The following ADARB2 variants were observed in gnomAD, a reference collection of about 807,000 sequenced individuals.
ADARB2 encodes the protein inactive double-stranded RNA-specific editase B2.
A neutral mutation model predicts 62.2 loss-of-function variants in ADARB2; 25 were observed. The observed-to-expected ratio is 0.40, with a 90% CI of 0.29 to 0.56. The LOEUF is 0.56. ADARB2 is among the 20% of genes least tolerant of loss of function. The pLI is 0.43. For missense variants in ADARB2, 1,071 were observed against 1,077.4 expected (o/e 0.99, Z 0.08); for synonymous variants, 572 against 500.8 (o/e 1.14, Z -1.90).
At chr10:1,524,348 A>T (rs1383499733) in intron 1 of ADARB2, among the ~76,000 whole-genome samples, 1 of 152,200 alleles carries the variant, frequency 6.6e-6, no homozygotes, top group Non-Finnish European at 1.5e-5. Flanking sequence ...AACGTGTCCA[A>T]TACTCAGTAG....
Position 1,360,136 on chromosome 10 carries a change from T to C in ADARB2, c.1077+2892A>G, listed in dbSNP as rs1003856983. On this transcript the variant is annotated intron_variant, in intron 3 of 9. Coordinates refer to ENST00000381312, the MANE Select transcript of ADARB2 (RefSeq NM_018702.4). ...CCTGCGTGGGGTGAGCCTGGGACTG[T>C]GGGCAGAGAACCTCAAGCACCGGGC... Among the ~76,000 whole-genome samples the C allele has an allele frequency of 2.0e-5, 3 of 152,060 alleles. No individual in the cohort carries two copies. The South Asian group carries it at 6.2e-4, about 31-fold the overall frequency.
chr10:1,596,643 G>A (rs1833339754), intron 1 of ADARB2, among the ~76,000 whole-genome samples: 1 of 152,190 alleles, frequency 6.6e-6, no homozygotes, highest in Non-Finnish European at 1.5e-5. Context: ...CGCTGGCTGA[G>A]TGGCTGAGAC....
intron 2 of ADARB2, among the ~76,000 whole-genome samples, chr10:1,372,900 C>A (rs531014694): frequency 6.6e-6 from 1 of 152,096 alleles, no homozygotes; most frequent in African/African-American, 2.4e-5. Flanking sequence ...GTTAGCTGCA[C>A]GTCAGGATTC....
At chr10:1,688,882 A>G (rs1834633176) in intron 1 of ADARB2, among the ~76,000 whole-genome samples, 1 of 152,212 alleles carries the variant, frequency 6.6e-6, no homozygotes, top group Non-Finnish European at 1.5e-5. Context: ...CAAACATTTT[A>G]ACGTAAAAAA....
At chr10:1,673,648 C>A (rs562287630) in intron 1 of ADARB2, among the ~76,000 whole-genome samples, 2 of 152,182 alleles carry the variant, frequency 1.3e-5, no homozygotes, top group Non-Finnish European at 2.9e-5. Context: ...CTGAGCACTA[C>A]GGGAACGTCG....
chr10:1,285,344 CGAT>C (rs1367377141), intron 3 of ADARB2, among the ~76,000 whole-genome samples: 4 of 143,502 alleles, frequency 2.8e-5, no homozygotes, highest in African/African-American at 7.6e-5. Flanking sequence ...CTCGCAGGGA[CGAT>C]GGTGGTAGGT....
At chr10:1,651,081 C>G (rs1215718915) in intron 1 of ADARB2, among the ~76,000 whole-genome samples, 1 of 152,228 alleles carries the variant, frequency 6.6e-6, no homozygotes, top group Non-Finnish European at 1.5e-5. Flanking sequence ...GACAGACGGC[C>G]CGGCTTCTGT....
rs989334408 is a variant in ADARB2 at position 1,414,714 on chromosome 10, C to T, written c.101-35554G>A. Among the ~76,000 whole-genome samples the T allele has an allele frequency of 2.0e-5, 3 of 152,324 alleles. No homozygotes were observed. In the South Asian group the frequency reaches 6.2e-4, roughly 32 times the overall value. On this transcript the variant is annotated intron_variant, in intron 1 of 9. Transcript: ENST00000381312. ...CTCCATGATCACGATGGCCCCTGGT[C>T]CCACCTTTACTTCTCAAACTGTCTT...
chr10:1,565,868 C>A (rs1832853162), intron 1 of ADARB2, among the ~76,000 whole-genome samples: 1 of 152,192 alleles, frequency 6.6e-6, no homozygotes, highest in Non-Finnish European at 1.5e-5. Flanking sequence ...CCGTGGTGGG[C>A]AGCATTGCCT....
intron 1 of ADARB2, among the ~76,000 whole-genome samples, chr10:1,550,672 G>A (rs1832607164): frequency 6.6e-6 from 1 of 152,172 alleles, no homozygotes; most frequent in Non-Finnish European, 1.5e-5. Flanking sequence ...TGGAGTGAAA[G>A]GAACTGATTT....
chr10:1,265,378 A>C (rs1564240374), intron 4 of ADARB2, among the ~76,000 whole-genome samples: 1 of 152,242 alleles, frequency 6.6e-6, no homozygotes, highest in Non-Finnish European at 1.5e-5. Flanking sequence ...CGGTGCCCTG[A>C]CAGTTTGGCT....
intron 8 of ADARB2, among the ~76,000 whole-genome samples, chr10:1,188,913 G>A (rs144247904): frequency 6.6e-6 from 1 of 152,376 alleles, no homozygotes; most frequent in African/African-American, 2.4e-5. Context: ...GGAACCAGAA[G>A]TTTCCTTCTC....
chr10:1,266,511 T>TGGGGGG (rs782182369), intron 4 of ADARB2, among the ~76,000 whole-genome samples: 948 of 127,826 alleles, frequency 7.4e-3, no homozygotes, highest in African/African-American at 0.011. Context: ...TGGTGGGGGG[T>TGGGGGG]GGGGGGGGGG....
In ADARB2 at chr10:1,222,657, A is replaced by G. The variant is rs1311469449; in HGVS notation, c.1514-5538T>C. Among the ~76,000 whole-genome samples, 5 of 149,138 alleles carry G rather than the reference A, an allele frequency of 3.4e-5. 1 individual carries two copies. The highest frequency in any genetic ancestry group is 7.7e-5 in the African/African-American group (3 of 38,716). ...ATGGCTAGCCAGTTTTCCCAGCACC[A>G]TTTATTAAATAGGGAATCCTTTCCC... On this transcript the variant is annotated intron_variant, in intron 6 of 9. Transcript: ENST00000381312.
chr10:1,659,004 C>G (rs761831318), intron 1 of ADARB2, among the ~76,000 whole-genome samples: 1 of 152,220 alleles, frequency 6.6e-6, no homozygotes, highest in Non-Finnish European at 1.5e-5. Flanking sequence ...TTGTGGTTAA[C>G]ATAAGCACTA....
intron 7 of ADARB2, among the ~76,000 whole-genome samples, chr10:1,206,852 C>T (rs1837074365): frequency 6.6e-6 from 1 of 152,202 alleles, no homozygotes; most frequent in African/African-American, 2.4e-5. Context: ...CGCTTGTCAC[C>T]CTCTGCCGTC....
chr10:1,485,804 G>A (rs1243638061), intron 1 of ADARB2, among the ~76,000 whole-genome samples: 2 of 152,218 alleles, frequency 1.3e-5, no homozygotes, highest in Non-Finnish European at 2.9e-5. Flanking sequence ...CACCTTGAGT[G>A]TTTGAAACCA....
intron 1 of ADARB2, among the ~76,000 whole-genome samples, chr10:1,564,345 C>T (rs1262787615): frequency 6.6e-6 from 1 of 152,224 alleles, no homozygotes; most frequent in Non-Finnish European, 1.5e-5. Context: ...AGGACATATG[C>T]ATGGGCAAGG....
chr10:1,642,826 TCA>T (rs1234846654), intron 1 of ADARB2, among the ~76,000 whole-genome samples: 3 of 151,954 alleles, frequency 2.0e-5, no homozygotes, highest in Admixed American at 2.0e-4. Flanking sequence ...ACACTCACAC[TCA>T]CACACACTCG....
Sources: gnomAD v4.1 joint callset for allele counts (sites outside exome capture counted in the v4.1 genomes callset) on GRCh38, gnomAD v4.1.1 for gene constraint, MANE v1.5 for transcripts, NCBI Gene and HGNC (gene_info 2026-07-23, HGNC 2026-07-21) for gene names.